The following PLPPR1 variants were observed in gnomAD, a reference collection of about 807,000 sequenced individuals.
The protein encoded by PLPPR1 is phospholipid phosphatase-related protein type 1.
PLPPR1 carries 10 observed loss-of-function variants against 33.1 expected under a neutral mutation model. The observed-to-expected ratio is 0.30, with a 90% CI of 0.19 to 0.51. The LOEUF is 0.51. Ranked by LOEUF, PLPPR1 falls within the 20% of genes least tolerant of loss-of-function variation. The pLI is 0.97. For synonymous variants in PLPPR1, 151 were observed against 151.0 expected (o/e 1.00, Z 0.00); for missense variants, 304 against 408.1 (o/e 0.74, Z 2.20).
chr9:101,063,781 C>T (rs528648280), intron 1 of PLPPR1, among the ~76,000 whole-genome samples: 4 of 152,166 alleles, frequency 2.6e-5, no homozygotes, highest in African/African-American at 9.6e-5. Context: ...TTCTTAATCA[C>T]CTGTCAAAAG....
chr9:101,036,813 T>C (rs905897778), intron 1 of PLPPR1, among the ~76,000 whole-genome samples: 3 of 151,562 alleles, frequency 2.0e-5, no homozygotes, highest in African/African-American at 4.8e-5. Flanking sequence ...CTATGTACCA[T>C]ACGAGCTACT....
At chr9:101,066,605 A>G (rs1043169353) in intron 1 of PLPPR1, among the ~76,000 whole-genome samples, 7 of 152,000 alleles carry the variant, frequency 4.6e-5, no homozygotes, top group African/African-American at 1.7e-4. Context: ...ATAATCCTAT[A>G]CTACTATATT....
intron 4 of PLPPR1, among the ~76,000 whole-genome samples, chr9:101,304,306 G>T (rs1346466181): frequency 6.6e-6 from 1 of 152,168 alleles, no homozygotes; most frequent in Non-Finnish European, 1.5e-5. Context: ...AAGTTTCTAT[G>T]CTCTTTTATC....
At chr9:101,195,837 C>A (rs191435368) in intron 2 of PLPPR1, among the ~76,000 whole-genome samples, 2 of 152,318 alleles carry the variant, frequency 1.3e-5, no homozygotes, top group East Asian at 3.9e-4. Context: ...TTAAACCAAG[C>A]ATTCTTCATA....
At chr9:101,257,507 C>T (rs1162232386) in intron 2 of PLPPR1, among the ~76,000 whole-genome samples, 1 of 152,114 alleles carries the variant, frequency 6.6e-6, no homozygotes, top group Non-Finnish European at 1.5e-5. Flanking sequence ...ATAGTCACAC[C>T]TCATGCCAGA....
intron 1 of PLPPR1, among the ~76,000 whole-genome samples, chr9:101,037,495 C>T (rs1276868114): frequency 6.6e-6 from 1 of 152,068 alleles, no homozygotes; most frequent in Non-Finnish European, 1.5e-5. Flanking sequence ...TGGACCTCCC[C>T]CACCAACATT....
At chr9:101,318,959 A>C (rs1829104774) in intron 7 of PLPPR1, among the ~76,000 whole-genome samples, 1 of 152,186 alleles carries the variant, frequency 6.6e-6, no homozygotes, top group South Asian at 2.1e-4. Flanking sequence ...GAGCCCGGCT[A>C]AAGTGTTTAT....
intron 2 of PLPPR1, among the ~76,000 whole-genome samples, chr9:101,263,868 C>T (rs1234919041): frequency 6.6e-6 from 1 of 152,158 alleles, no homozygotes; most frequent in African/African-American, 2.4e-5. Context: ...CACAATATAA[C>T]ATTATCATCT....
Position 101,214,497 on chromosome 9 carries a change from C to T in PLPPR1, c.63+28940C>T, listed in dbSNP as rs565478267. ...AACGCCAGTAGTAAGTATTTTAAGA[C>T]AAAAATCTGGAGCTTAAATTTTCAT... On this transcript the variant is annotated intron_variant, in intron 2 of 7. Transcript: ENST00000374874. Among the ~76,000 whole-genome samples, 3 of 152,176 alleles carry T rather than the reference C, an allele frequency of 2.0e-5. No individual in the cohort carries two copies. In the South Asian group the frequency reaches 6.2e-4, roughly 32 times the overall value.
intron 2 of PLPPR1, among the ~76,000 whole-genome samples, chr9:101,238,379 G>T (rs1827377075): frequency 1.5e-5 from 2 of 134,162 alleles, no homozygotes; most frequent in South Asian, 2.4e-4. Flanking sequence ...ATATATATAG[G>T]GTATATATAT....
At chr9:101,236,192 A>G (rs1360482006) in intron 2 of PLPPR1, among the ~76,000 whole-genome samples, 1 of 151,778 alleles carries the variant, frequency 6.6e-6, no homozygotes, top group Admixed American at 6.6e-5. Context: ...TAGAAAACAC[A>G]CTACCTATCA....
chr9:101,195,821 A>G (rs965992778), intron 2 of PLPPR1, among the ~76,000 whole-genome samples: 3 of 152,220 alleles, frequency 2.0e-5, no homozygotes, highest in Non-Finnish European at 2.9e-5. Context: ...TTAGCATTAC[A>G]GTACTTTAAA....
chr9:101,120,356 T>A lies in PLPPR1; in HGVS notation c.-45-65094T>A, dbSNP rs141576611. 2.2e-3 allele frequency among the ~76,000 whole-genome samples: 334 copies of A among 152,372 alleles called. 1 individual carries two copies. Among genetic ancestry groups the A allele is most frequent in the African/African-American group, 6.7e-3 (278 of 41,590 alleles). ...ACTTATTTCAAGGAAAGATAACATT[T>A]GGATGTCCACATTTTTGTTCAAGGT... On this transcript the variant is annotated intron_variant, in intron 1 of 7. Coordinates refer to ENST00000374874, the MANE Select transcript of PLPPR1 (RefSeq NM_207299.2).
At chr9:101,321,779 ACT>A (rs1829154933) in intron 7 of PLPPR1, among the ~76,000 whole-genome samples, 1 of 148,218 alleles carries the variant, frequency 6.7e-6, no homozygotes, top group African/African-American at 2.4e-5. Flanking sequence ...ACATATATAC[ACT>A]AATATATATT....
At chr9:101,040,526 A>G (rs1184497308) in intron 1 of PLPPR1, among the ~76,000 whole-genome samples, 1 of 152,148 alleles carries the variant, frequency 6.6e-6, no homozygotes, top group Non-Finnish European at 1.5e-5. Flanking sequence ...TGTTCATCAA[A>G]CATCCCAAAC....
At chr9:101,046,279 C>T (rs1347278292) in intron 1 of PLPPR1, among the ~76,000 whole-genome samples, 1 of 152,008 alleles carries the variant, frequency 6.6e-6, no homozygotes, top group East Asian at 1.9e-4. Context: ...TTTTAGACAG[C>T]CTTGCTGTTC....
rs1383720369 is a variant in PLPPR1, at chr9:101,286,023, T to G, written c.253-81T>G. On this transcript the variant is annotated intron_variant, in intron 3 of 7. Transcript: ENST00000374874. Reference sequence around the variant, plus strand: ...TAAAATGATTGTGGGTCCTCAACAGTTTTGTTTTGTTTTTAAAGCCATGGG... The same window carrying G: ...TAAAATGATTGTGGGTCCTCAACAGGTTTGTTTTGTTTTTAAAGCCATGGG... 10 of 1,126,972 alleles carry G rather than the reference T, an allele frequency of 8.9e-6. No individual in the cohort carries two copies. In the African/African-American group the frequency reaches 1.1e-4, roughly 12 times the overall value. 69.8% of individuals were successfully genotyped at this position (1,126,972 alleles called of 1,614,324 possible).
chr9:101,241,034 C>T (rs1827454715), intron 2 of PLPPR1, among the ~76,000 whole-genome samples: 5 of 152,020 alleles, frequency 3.3e-5, no homozygotes, highest in Admixed American at 3.3e-4. Flanking sequence ...TGTTCATGGG[C>T]TTGTTTTGCT....
chr9:101,150,199 T>C (rs1019790035), intron 1 of PLPPR1, among the ~76,000 whole-genome samples: 1 of 152,194 alleles, frequency 6.6e-6, no homozygotes, highest in African/African-American at 2.4e-5. Flanking sequence ...TTAAGCTCAT[T>C]CTACAGCTAT....
Sources: gnomAD v4.1 joint callset for allele counts (sites outside exome capture counted in the v4.1 genomes callset) on GRCh38, gnomAD v4.1.1 for gene constraint, MANE v1.5 for transcripts, NCBI Gene and HGNC (gene_info 2026-07-23, HGNC 2026-07-21) for gene names.